The following ERC2 variants were observed in gnomAD, a reference collection of about 807,000 sequenced individuals.
ERC2 encodes ELKS/RAB6-interacting/CAST family member 2.
ERC2 carries 42 observed loss-of-function variants against 114.8 expected under a neutral mutation model. The ratio of observed to expected loss-of-function variants is 0.37; its 90% CI spans 0.29 to 0.47. The LOEUF (loss-of-function observed/expected upper bound fraction) is 0.47. Among genes scored for constraint, ERC2 ranks in the 20% least tolerant of loss-of-function variants. The pLI, the probability that ERC2 is intolerant of heterozygous loss-of-function variation, is 0.99. For synonymous variants in ERC2, 454 were observed against 425.5 expected (o/e 1.07, Z -0.82); for missense variants, 939 against 1,150.7 (o/e 0.82, Z 2.66).
At chr3:55,887,235 G>GA (rs2063390200) in intron 14 of ERC2, among the ~76,000 whole-genome samples, 1 of 151,954 alleles carries the variant, frequency 6.6e-6, no homozygotes. Flanking sequence ...TCTTTTATTA[G>GA]AAAAAATGCT....
chr3:55,734,871 G>A lies in ERC2; in HGVS notation c.2612C>T (p.Ala871Val). 6.2e-7 allele frequency: 1 copy of A among 1,611,066 alleles called. No homozygotes were observed. Among genetic ancestry groups the A allele is most frequent in the Non-Finnish European group, 8.5e-7 (1 of 1,178,630 alleles). ...AAISEKDANI[A>V]LLELSASKKK... ...TTTGGAGGCAGACAATTCCAGCAAGGCAATGTTTGCATCTTTTTCACTGAT... is the reference window on the plus strand; with the variant it reads ...TTTGGAGGCAGACAATTCCAGCAAGACAATGTTTGCATCTTTTTCACTGAT... The change falls in exon 15 of 18, where the codon GCC becomes GTC. Residue 871 changes from alanine to valine, a missense_variant. Physicochemically the swap from Ala to Val is moderately conservative, Grantham distance 64. Transcript: ENST00000288221.
chr3:55,957,782 AG>A (rs141901176), intron 12 of ERC2, among the ~76,000 whole-genome samples: 4,989 of 152,294 alleles, frequency 0.033, 154 homozygotes, highest in Middle Eastern at 0.082. Context: ...CAGCTGGACC[AG>A]GTGTACCACA....
chr3:56,393,059 C>T (rs916994157), intron 2 of ERC2, among the ~76,000 whole-genome samples: 3 of 152,192 alleles, frequency 2.0e-5, no homozygotes, highest in Non-Finnish European at 4.4e-5. Flanking sequence ...TACTCCCACC[C>T]TTCCCCATCT....
At chr3:55,755,068 T>C (rs1000599712) in intron 14 of ERC2, among the ~76,000 whole-genome samples, 5 of 150,780 alleles carry the variant, frequency 3.3e-5, no homozygotes, top group African/African-American at 9.8e-5. Flanking sequence ...GTCCTAGTGA[T>C]TGGCTATTCA....
At chr3:56,190,145 T>C (rs1204515337) in intron 3 of ERC2, among the ~76,000 whole-genome samples, 1 of 152,192 alleles carries the variant, frequency 6.6e-6, no homozygotes, top group Non-Finnish European at 1.5e-5. Context: ...GATGGTAGAA[T>C]TTTTTTCACA....
At chr3:55,747,992 G>A (rs545107874) in intron 14 of ERC2, among the ~76,000 whole-genome samples, 1 of 152,210 alleles carries the variant, frequency 6.6e-6, no homozygotes, top group Admixed American at 6.5e-5. Context: ...CCTTCCCAGA[G>A]TTTGAAGGAA....
At chr3:56,003,515 T>G (rs2072241805) in intron 10 of ERC2, among the ~76,000 whole-genome samples, 1 of 152,124 alleles carries the variant, frequency 6.6e-6, no homozygotes, top group Non-Finnish European at 1.5e-5. Flanking sequence ...ACTTCAAAGA[T>G]GGTAATAATA....
chr3:55,786,265 A>G (rs1054255309), intron 14 of ERC2, among the ~76,000 whole-genome samples: 3 of 152,314 alleles, frequency 2.0e-5, no homozygotes, highest in Non-Finnish European at 2.9e-5. Flanking sequence ...TGGCTTAACT[A>G]TATATTTTAG....
At chr3:56,276,759 G>A (rs1053242104) in intron 3 of ERC2, among the ~76,000 whole-genome samples, 2 of 152,116 alleles carry the variant, frequency 1.3e-5, no homozygotes, top group African/African-American at 4.8e-5. Flanking sequence ...TGGCTTCGCT[G>A]GGCCACATTG....
At chr3:56,335,353 C>T (rs550985395) in intron 2 of ERC2, among the ~76,000 whole-genome samples, 5 of 152,264 alleles carry the variant, frequency 3.3e-5, no homozygotes, top group Admixed American at 6.5e-5. Flanking sequence ...ACAGGACACA[C>T]AGATGTCAGC....
chr3:56,444,199 C>A (rs1368064612), intron 1 of ERC2, among the ~76,000 whole-genome samples: 2 of 151,330 alleles, frequency 1.3e-5, no homozygotes, highest in African/African-American at 4.9e-5. Context: ...TCTCGATCTC[C>A]TGACCTCGTG....
At chr3:55,775,015 G>A (rs2068488519) in intron 14 of ERC2, among the ~76,000 whole-genome samples, 1 of 152,030 alleles carries the variant, frequency 6.6e-6, no homozygotes, top group Admixed American at 6.6e-5. Flanking sequence ...TAATTCAATG[G>A]ACATTTTAGG....
chr3:55,875,054 T>C (rs2062763157), intron 14 of ERC2, among the ~76,000 whole-genome samples: 1 of 152,152 alleles, frequency 6.6e-6, no homozygotes, highest in African/African-American at 2.4e-5. Context: ...TCCCCAGTGA[T>C]GCTGCTCACA....
rs929032881 is a variant in ERC2, at chr3:55,704,935, G to A, written c.2713-5423C>T. 2.0e-5 allele frequency among the ~76,000 whole-genome samples: 3 copies of A among 152,218 alleles called. No individual in the cohort carries two copies. The East Asian group carries it at 5.8e-4, about 29-fold the overall frequency. On this transcript the variant is annotated intron_variant, in intron 15 of 17. Coordinates refer to ENST00000288221, the MANE Select transcript of ERC2 (RefSeq NM_015576.3). ...CCTGCTGAATCCTCACTCCTGAGAT[G>A]GCTATTCTTGGGGCCCTCTTTTACA...
At chr3:56,169,556 T>A (rs1301195285) in intron 4 of ERC2, among the ~76,000 whole-genome samples, 1 of 152,058 alleles carries the variant, frequency 6.6e-6, no homozygotes, top group East Asian at 1.9e-4. Flanking sequence ...AAAATAGAGC[T>A]CACATGAAGG....
At chr3:56,163,891 T>C (rs1484803552) in intron 4 of ERC2, among the ~76,000 whole-genome samples, 1 of 151,976 alleles carries the variant, frequency 6.6e-6, no homozygotes, top group Non-Finnish European at 1.5e-5. Context: ...ATATTTGAGG[T>C]TTTGATCCTA....
chr3:56,310,274 T>C (rs1053012424), intron 2 of ERC2, among the ~76,000 whole-genome samples: 7 of 152,170 alleles, frequency 4.6e-5, no homozygotes, highest in South Asian at 2.1e-4. Context: ...CGTGTAATGA[T>C]AGAAACGATA....
At chr3:56,192,374 T>C (rs1035483253) in intron 3 of ERC2, among the ~76,000 whole-genome samples, 1 of 152,234 alleles carries the variant, frequency 6.6e-6, no homozygotes, top group Non-Finnish European at 1.5e-5. Flanking sequence ...GATAAATGTC[T>C]ATTAAATAAC....
chr3:55,606,428 T>C (rs971671485), intron 17 of ERC2, among the ~76,000 whole-genome samples: 1 of 151,476 alleles, frequency 6.6e-6, no homozygotes, highest in Non-Finnish European at 1.5e-5. Flanking sequence ...TTGAAAATCA[T>C]AGGCCTTGGA....
Sources: gnomAD v4.1 joint callset for allele counts (sites outside exome capture counted in the v4.1 genomes callset) on GRCh38, gnomAD v4.1.1 for gene constraint, MANE v1.5 for transcripts, NCBI Gene and HGNC (gene_info 2026-07-23, HGNC 2026-07-21) for gene names.